ADH1C: variants seen among roughly 807,000 people sequenced by gnomAD.
ADH1C encodes the protein alcohol dehydrogenase 1C (class I), gamma polypeptide.
Under a neutral mutation model 35.0 loss-of-function variants are expected in ADH1C, and 26 were observed. The observed-to-expected ratio is 0.74, with a 90% CI of 0.54 to 1.03. ADH1C has a LOEUF of 1.03. Among genes scored for constraint, ADH1C ranks in the 50% least tolerant of loss-of-function variants. The pLI is 0.00. For missense variants in ADH1C, 413 were observed against 465.4 expected (o/e 0.89, Z 1.04); for synonymous variants, 170 against 169.3 (o/e 1.00, Z -0.03).
rs1228781883 is a variant in ADH1C at position 99,342,938 on chromosome 4, T to C, written c.685A>G (p.Lys229Glu). Residue 229 changes from lysine to glutamate, a missense_variant, in exon 6 of 9, where the codon AAA becomes GAA. Physicochemically the swap from Lys to Glu is moderately conservative, Grantham distance 56 (BLOSUM62 1). Transcript: ENST00000515683. ...CCCAACTCTTTAGCCTTTGCAAATT[T>C]GTCCTTGTTGATGTCCACAGCAATG... ...RIIAVDINKD[K>E]FAKAKELGAT... The C allele has an allele frequency of 6.2e-7, 1 of 1,614,194 alleles. No homozygotes were observed. The highest frequency in any genetic ancestry group is 1.7e-5 in the Admixed American group (1 of 60,026).
intron 5 of ADH1C, among the ~76,000 whole-genome samples, chr4:99,344,367 T>C (rs1734479873): frequency 6.6e-6 from 1 of 152,196 alleles, no homozygotes; most frequent in Non-Finnish European, 1.5e-5. Context: ...CGTCTAAGAA[T>C]CCACAGAGTG....
intron 8 of ADH1C, among the ~76,000 whole-genome samples, chr4:99,337,518 T>C (rs1442479): frequency 0.31 from 47,322 of 151,844 alleles, 8,772 homozygotes; most frequent in Non-Finnish European, 0.41. Context: ...AATTAATGCC[T>C]TTTCTATAAA....
At chr4:99,338,471 T>C (rs1162640825) in intron 8 of ADH1C, among the ~76,000 whole-genome samples, 1 of 126,310 alleles carries the variant, frequency 7.9e-6, no homozygotes, top group African/African-American at 3.0e-5. Flanking sequence ...TGGTGTGGTT[T>C]AATAGAAAGT....
chr4:99,336,810 T>C (rs1290564053), intron 8 of ADH1C, 34 bp from the exon 9 acceptor site: 1 of 1,613,188 alleles, frequency 6.2e-7, no homozygotes, highest in African/African-American at 1.3e-5. Flanking sequence ...TGTGTTAACA[T>C]TTAGACAACC....
intron 8 of ADH1C, among the ~76,000 whole-genome samples, chr4:99,337,027 T>C (rs1168808552): frequency 1.3e-5 from 2 of 152,194 alleles, no homozygotes; most frequent in Non-Finnish European, 2.9e-5. Context: ...AGACTTCAGA[T>C]CTACATTAGC....
chr4:99,336,617 T>C lies in ADH1C; in HGVS notation c.*135A>G, dbSNP rs1330402381. On this transcript the variant is annotated 3_prime_UTR_variant, in exon 9 of 9. Coordinates refer to ENST00000515683, the MANE Select transcript of ADH1C (RefSeq NM_000669.5). ...TAATTTCCCATCAATTTCCATTTCT[T>C]TGGAAAGCTCCCACGTGTAATTTAT... The C allele has an allele frequency of 9.1e-7, 1 of 1,097,194 alleles. No homozygotes were observed. The highest frequency in any genetic ancestry group is 2.5e-5 in the East Asian group (1 of 39,616). 68.0% of individuals were successfully genotyped at this position (1,097,194 alleles called of 1,614,324 possible).
chr4:99,348,242 C>T (rs901021662), intron 1 of ADH1C, among the ~76,000 whole-genome samples: 72 of 150,190 alleles, frequency 4.8e-4, no homozygotes, highest in African/African-American at 1.7e-3. Flanking sequence ...CGTCATCTAG[C>T]ATTAGGTATA....
At chr4:99,338,426 TATATATATATATATATATAC>T (rs1459740583) in intron 8 of ADH1C, among the ~76,000 whole-genome samples, 1,180 of 93,160 alleles carry the variant, frequency 0.013, 171 homozygotes, top group African/African-American at 0.04. Flanking sequence ...TATATATATA[TATATATATATATATATATAC>T]ACACTCTTGA....
intron 2 of ADH1C, among the ~76,000 whole-genome samples, 176 bp downstream of exon 2, chr4:99,347,569 T>C (rs1190189952): frequency 1.3e-5 from 2 of 151,754 alleles, no homozygotes; most frequent in Non-Finnish European, 2.9e-5. Context: ...CTTCATATAC[T>C]GTTTGCCCAC....
intron 5 of ADH1C, among the ~76,000 whole-genome samples, chr4:99,343,415 T>G (rs2110657241): frequency 6.6e-6 from 1 of 152,366 alleles, no homozygotes; most frequent in Middle Eastern, 3.4e-3. Context: ...GAGATCCAGA[T>G]GACAGTGATT....
chr4:99,339,222 G>A (rs2110653141), intron 8 of ADH1C, among the ~76,000 whole-genome samples: 1 of 152,162 alleles, frequency 6.6e-6, no homozygotes, highest in Admixed American at 6.5e-5. Flanking sequence ...GACAGGCAGA[G>A]GTGTCAGTGA....
intron 5 of ADH1C, among the ~76,000 whole-genome samples, chr4:99,344,393 C>G (rs62307298): frequency 0.31 from 47,466 of 151,936 alleles, 8,852 homozygotes; most frequent in Non-Finnish European, 0.41. Flanking sequence ...GCCTTGGTTT[C>G]GAGGTGCATC....
chr4:99,347,509 T>C (rs773016207), intron 2 of ADH1C, among the ~76,000 whole-genome samples: 10 of 152,186 alleles, frequency 6.6e-5, no homozygotes, highest in Non-Finnish European at 1.5e-4. Context: ...TCCCTTTGCA[T>C]TTTTTTCTGT....
intron 1 of ADH1C, among the ~76,000 whole-genome samples, 191 bp from the exon 2 acceptor site, chr4:99,348,037 G>T (rs1326697646): frequency 6.6e-6 from 1 of 152,128 alleles, no homozygotes; most frequent in Non-Finnish European, 1.5e-5. Context: ...CATAAGGAAA[G>T]ATAAACAGAG....
chr4:99,345,361 T>C, intron 3 of ADH1C, 95 bp from the exon 4 acceptor site: 2 of 1,262,946 alleles, frequency 1.6e-6, no homozygotes, highest in Non-Finnish European at 2.2e-6. Context: ...GAATTATGTG[T>C]CTGAAAAGTT....
At chr4:99,349,581 T>C (rs998194714) in intron 1 of ADH1C, among the ~76,000 whole-genome samples, 2 of 152,236 alleles carry the variant, frequency 1.3e-5, no homozygotes, top group African/African-American at 4.8e-5. Context: ...TAAAAACAGT[T>C]ATACATTTAC....
At position 99,346,918 on chromosome 4, in the gene ADH1C, C is replaced by T. The variant is rs952259990; in HGVS notation, c.259+88G>A. On this transcript the variant is annotated intron_variant, in intron 3 of 8. Coordinates refer to ENST00000515683, the MANE Select transcript of ADH1C (RefSeq NM_000669.5). ...CCCTGTGACCTTGTGCAAGTCCTTT[C>T]GTCTTTCATTGCCTCGGTTTCCTCA... is the stretch of plus-strand genomic sequence containing the variant. 16 of 1,547,282 alleles carry T rather than the reference C, an allele frequency of 1.0e-5. No individual in the cohort carries two copies. In the East Asian group the frequency reaches 1.1e-4, roughly 11 times the overall value.
At chr4:99,348,887 A>G (rs1298909165) in intron 1 of ADH1C, among the ~76,000 whole-genome samples, 2 of 151,868 alleles carry the variant, frequency 1.3e-5, no homozygotes, top group Non-Finnish European at 2.9e-5. Context: ...GTGATGATGA[A>G]CATTTTTTCA....
chr4:99,337,638 G>A (rs1734307529), intron 8 of ADH1C, among the ~76,000 whole-genome samples: 1 of 151,772 alleles, frequency 6.6e-6, no homozygotes, highest in Non-Finnish European at 1.5e-5. Flanking sequence ...AAAAATATAT[G>A]CACATAATTT....
Sources: gnomAD v4.1 joint callset for allele counts (sites outside exome capture counted in the v4.1 genomes callset) on GRCh38, gnomAD v4.1.1 for gene constraint, MANE v1.5 for transcripts, NCBI Gene and HGNC (gene_info 2026-07-23, HGNC 2026-07-21) for gene names.